The following KDM4A variants were observed in gnomAD, a reference collection of about 807,000 sequenced individuals.
KDM4A encodes lysine-specific demethylase 4A.
Under a neutral mutation model 127.1 loss-of-function variants are expected in KDM4A, and 23 were observed. That is an observed-to-expected ratio of 0.18 (90% CI 0.13 to 0.26). The LOEUF is 0.26. Ranked by LOEUF, KDM4A falls within the 10% of genes least tolerant of loss-of-function variation. The pLI is 1.00. For missense variants in KDM4A, 890 were observed against 1,329.1 expected, an observed-to-expected ratio of 0.67 and a Z score of 5.14; for synonymous variants, 443 against 466.5, an observed-to-expected ratio of 0.95 and a Z score of 0.65.
chr1:43,679,458 T>G (rs1397074409), intron 11 of KDM4A, among the ~76,000 whole-genome samples: 1 of 152,178 alleles, frequency 6.6e-6, no homozygotes, highest in Non-Finnish European at 1.5e-5. Context: ...GGAGAGGTCT[T>G]ATAGCACTGG....
At chr1:43,681,243 G>A (rs1216639571) in intron 11 of KDM4A, among the ~76,000 whole-genome samples, 1 of 151,976 alleles carries the variant, frequency 6.6e-6, no homozygotes, top group Admixed American at 6.6e-5. Context: ...CCCCCTCCCT[G>A]AAGCCGTCCC....
chr1:43,693,880 G>A lies in KDM4A; in HGVS notation c.2376-114G>A. 1.3e-6 allele frequency: 1 copy of A among 754,978 alleles called. No homozygotes were observed. The highest frequency in any genetic ancestry group is 1.7e-5 in the South Asian group (1 of 60,402). The allele number at this position is 754,978 out of a possible 1,614,324, so 46.8% of individuals were successfully genotyped here. A position where few individuals can be genotyped will look rare whatever the true frequency, so the allele number is the denominator to read the frequency against. On this transcript the variant is annotated intron_variant, in intron 16 of 21. Coordinates refer to ENST00000372396, the MANE Select transcript of KDM4A (RefSeq NM_014663.3). The surrounding 1 kb of genome is among the most constrained non-coding windows in gnomAD (Gnocchi z 4.2). ...CTTCCTGGGTCCCAGGCATGTGCTG[G>A]TGGAAGTCAGTGGTCACCCAGGTGA...
chr1:43,687,990 A>C (rs1485283216), intron 12 of KDM4A, among the ~76,000 whole-genome samples: 1 of 149,766 alleles, frequency 6.7e-6, no homozygotes, highest in Non-Finnish European at 1.5e-5. Flanking sequence ...TAGGCTTTAC[A>C]GTCTTCATTG....
chr1:43,704,363 T>TGGAGTAGGTGCTTCCA lies in KDM4A; in HGVS notation c.3191_*11dup, dbSNP rs764631655. 1.4e-5 allele frequency: 23 copies of TGGAGTAGGTGCTTCCA among 1,613,200 alleles called. No individual in the cohort carries two copies. The highest frequency in any genetic ancestry group is 1.9e-5 in the Non-Finnish European group (23 of 1,179,816). On this transcript the variant is annotated stop_gained and frameshift_variant, in exon 22 of 22. Transcript: ENST00000372396. LOFTEE classifies it high-confidence loss of function. ...GAGCCTGCACTATACCGGGCCATCA[T>TGGAGTAGGTGCTTCCA]GGAGTAGGTGCTTCCAGGGTCCAAG...
rs752454496 is a variant in KDM4A, at chr1:43,684,162, A to G, written c.1855+358A>G. On this transcript the variant is annotated intron_variant, in intron 12 of 21. Transcript: ENST00000372396. ...ATAACTAAGATATGTCCGTGCCCTCAAGACACTCACAGGGTGGTGGGGAAA... is the reference window on the plus strand; with the variant it reads ...ATAACTAAGATATGTCCGTGCCCTCGAGACACTCACAGGGTGGTGGGGAAA... 1.7e-4 allele frequency among the ~76,000 whole-genome samples: 26 copies of G among 152,204 alleles called. 1 individual carries two copies. Among genetic ancestry groups the G allele is most frequent in the Non-Finnish European group, 3.2e-4 (22 of 68,036 alleles).
Position 43,673,440 on chromosome 1 carries a change from C to T in KDM4A, c.1734+1565C>T, listed in dbSNP as rs115052146. Among the ~76,000 whole-genome samples, 696 of 152,216 alleles carry T rather than the reference C, an allele frequency of 4.6e-3. 7 individuals carry two copies. Among genetic ancestry groups the T allele is most frequent in the African/African-American group, 0.016 (675 of 41,528 alleles). On this transcript the variant is annotated intron_variant, in intron 11 of 21. Coordinates refer to ENST00000372396, the MANE Select transcript of KDM4A (RefSeq NM_014663.3). ...ATTTGCTTTCTGTTTTCTTTGGCTG[C>T]AGTACTTGACACTCAGTCATATTCA...
intron 9 of KDM4A, among the ~76,000 whole-genome samples, chr1:43,668,873 CA>C (rs1016338531): frequency 5.3e-5 from 8 of 152,210 alleles, no homozygotes; most frequent in Admixed American, 3.3e-4. Context: ...ATCCTCACAA[CA>C]AATCTGTTAG....
intron 12 of KDM4A, among the ~76,000 whole-genome samples, chr1:43,686,302 C>G (rs1354090684): frequency 6.9e-6 from 1 of 144,530 alleles, no homozygotes; most frequent in Non-Finnish European, 1.5e-5. Flanking sequence ...TCCCAAAGTG[C>G]TGGGATTACA....
intron 11 of KDM4A, among the ~76,000 whole-genome samples, chr1:43,682,625 T>C (rs977851367): frequency 7.9e-5 from 12 of 152,222 alleles, no homozygotes; most frequent in African/African-American, 2.9e-4. Context: ...ATTTGTTGAA[T>C]GAATGGCAAA....
At position 43,693,710 on chromosome 1, in the gene KDM4A, A is replaced by G. The variant is rs917358155; in HGVS notation, c.2376-284A>G. Among the ~76,000 whole-genome samples, 1 of 152,242 alleles carries G rather than the reference A, an allele frequency of 6.6e-6. No homozygotes were observed. Among genetic ancestry groups the G allele is most frequent in the Non-Finnish European group, 1.5e-5 (1 of 68,042 alleles). ...TCCCTGAGACCTGCCACACACCATT[A>G]GCCTGCAGCTCTGTTCATTTTTCAA... On this transcript the variant is annotated intron_variant, in intron 16 of 21. Coordinates refer to ENST00000372396, the MANE Select transcript of KDM4A (RefSeq NM_014663.3). This position sits in a 1 kb window ranked among gnomAD's most constrained non-coding sequence, Gnocchi z 4.2.
At position 43,690,828 on chromosome 1, in the gene KDM4A, T is replaced by C. The variant is rs375815193; in HGVS notation, c.2038-17T>C. Reference sequence around the variant, plus strand: ...GGCACGTGCTCACTGAGGTGTACACTTGTTCTTTCCCCTTAGGTTGAATTT... The same window carrying C: ...GGCACGTGCTCACTGAGGTGTACACCTGTTCTTTCCCCTTAGGTTGAATTT... On this transcript the variant is annotated splice_polypyrimidine_tract_variant and intron_variant, in intron 13 of 21. Transcript: ENST00000372396. 4 of 1,613,022 alleles carry C rather than the reference T, an allele frequency of 2.5e-6. No homozygotes were observed. The African/African-American group carries it at 5.3e-5, about 22-fold the overall frequency.
chr1:43,652,677 TTC>T (rs1206397884), intron 1 of KDM4A, among the ~76,000 whole-genome samples: 8 of 139,116 alleles, frequency 5.8e-5, no homozygotes, highest in African/African-American at 2.0e-4. Flanking sequence ...CTTTCTTTCT[TTC>T]TTTTTTTTTT....
At chr1:43,698,302 A>G (rs1661294253) in intron 19 of KDM4A, among the ~76,000 whole-genome samples, 1 of 152,226 alleles carries the variant, frequency 6.6e-6, no homozygotes, top group South Asian at 2.1e-4. Flanking sequence ...TTCTAGTGCA[A>G]TAGGAGAGCC....
intron 10 of KDM4A, among the ~76,000 whole-genome samples, chr1:43,669,815 A>AT (rs1270985571): frequency 4.0e-5 from 6 of 151,154 alleles, no homozygotes; most frequent in Admixed American, 3.3e-4. Context: ...TGCCTGGCTA[A>AT]TTTTTTTTTG....
rs1354748907 is a variant in KDM4A at position 43,672,499 on chromosome 1, T to C, written c.1734+624T>C. ...ACTGTGGCTGGCCTTTTGTTTTTTT[T>C]TCTTTTTTTTTTTGAGACGGGGTCT... On this transcript the variant is annotated intron_variant, in intron 11 of 21. Transcript: ENST00000372396. 2.0e-5 allele frequency among the ~76,000 whole-genome samples: 3 copies of C among 146,650 alleles called. No homozygotes were observed. The East Asian group carries it at 6.2e-4, about 30-fold the overall frequency.
chr1:43,673,679 A>G (rs1660677505), intron 11 of KDM4A, among the ~76,000 whole-genome samples: 1 of 152,080 alleles, frequency 6.6e-6, no homozygotes, highest in Non-Finnish European at 1.5e-5. Flanking sequence ...CTCTGATTGC[A>G]GTTCTCTGTG....
At chr1:43,670,590 G>T (rs1660596918) in intron 10 of KDM4A, among the ~76,000 whole-genome samples, 1 of 129,776 alleles carries the variant, frequency 7.7e-6, no homozygotes, top group East Asian at 2.3e-4. Context: ...TTGAGACGGA[G>T]TCTCACTCTG....
At position 43,694,622 on chromosome 1, in the gene KDM4A, G is replaced by C. The variant is rs919176899; in HGVS notation, c.2485-87G>C. On this transcript the variant is annotated intron_variant, in intron 17 of 21. Coordinates refer to ENST00000372396, the MANE Select transcript of KDM4A (RefSeq NM_014663.3). This position sits in a 1 kb window ranked among gnomAD's most constrained non-coding sequence, Gnocchi z 5.2. Reference sequence around the variant, plus strand: ...TTTGGGAAGGGGCTGGCTCTTGCTTGCTTGGCTTTGCATTTGGGAGGGGAA... The same window carrying C: ...TTTGGGAAGGGGCTGGCTCTTGCTTCCTTGGCTTTGCATTTGGGAGGGGAA... 3.3e-6 allele frequency: 4 copies of C among 1,196,376 alleles called. No homozygotes were observed. The highest frequency in any genetic ancestry group is 4.8e-6 in the Non-Finnish European group (4 of 833,852). 74.1% of individuals were successfully genotyped at this position (1,196,376 alleles called of 1,614,324 possible).
chr1:43,675,024 T>A (rs1660709861), intron 11 of KDM4A, among the ~76,000 whole-genome samples: 1 of 152,238 alleles, frequency 6.6e-6, no homozygotes, highest in Non-Finnish European at 1.5e-5. Context: ...GTCTTCTCTC[T>A]GACATGTCTC....
Sources: allele counts gnomAD v4.1 joint callset (sites outside exome capture counted in the v4.1 genomes callset), GRCh38; gene constraint gnomAD v4.1.1; non-coding constraint Gnocchi (gnomAD v3.1); transcripts MANE v1.5; gene names NCBI Gene and HGNC (gene_info 2026-07-23, HGNC 2026-07-21).